Variants in CTNND2 observed in about 807,000 individuals in gnomAD.
CTNND2 encodes the protein catenin delta-2.
In CTNND2, 22 loss-of-function variants were observed where a neutral mutation model predicts 144.4. The ratio of observed to expected loss-of-function variants is 0.15; its 90% CI spans 0.11 to 0.22. The LOEUF is 0.22. Among genes scored for constraint, CTNND2 ranks in the 10% least tolerant of loss-of-function variants. The pLI is 1.00. For synonymous variants in CTNND2, 751 were observed against 695.6 expected, an observed-to-expected ratio of 1.08 and a Z score of -1.25; for missense variants, 1,353 against 1,618.8, an observed-to-expected ratio of 0.84 and a Z score of 2.82.
At chr5:11,507,095 A>G (rs1324974100) in intron 3 of CTNND2, among the ~76,000 whole-genome samples, 1 of 152,146 alleles carries the variant, frequency 6.6e-6, no homozygotes, top group Admixed American at 6.5e-5. Flanking sequence ...CGCAGGGACC[A>G]CTGTAATAGG....
chr5:11,389,899 T>C (rs900961518), intron 6 of CTNND2, among the ~76,000 whole-genome samples: 1 of 152,226 alleles, frequency 6.6e-6, no homozygotes, highest in African/African-American at 2.4e-5. Flanking sequence ...TAAAATGTCA[T>C]ATAAACTTAC....
Position 11,110,992 on chromosome 5 carries a change from C to T in CTNND2, c.2329G>A (p.Ala777Thr), listed in dbSNP as rs1374404308. The T allele has an allele frequency of 6.2e-7, 1 of 1,614,114 alleles. No individual in the cohort carries two copies. Among genetic ancestry groups the T allele is most frequent in the Non-Finnish European group, 8.5e-7 (1 of 1,180,016 alleles). The stretch of plus-strand genomic sequence containing the variant: ...ATGTGCTGTCCCTGAGACGTTTCTG[C>T]CGCCAGCCGGTACGAGAGGTTCCTT... ...ILRNLSYRLA[A>T]ETSQGQHMGT... Residue 777 changes from alanine to threonine, a missense_variant, in exon 14 of 22, where the codon GCA becomes ACA. Around this residue, in one of 4 missense-constraint regions of CTNND2, gnomAD observed 459 missense variants for 674.3 expected, o/e 0.68. Coordinates refer to ENST00000304623, the MANE Select transcript of CTNND2 (RefSeq NM_001332.4).
intron 3 of CTNND2, among the ~76,000 whole-genome samples, chr5:11,412,490 C>T (rs904633143): frequency 2.0e-5 from 3 of 152,006 alleles, no homozygotes; most frequent in African/African-American, 7.2e-5. Context: ...TAAATCTTTG[C>T]CTCCATTTAG....
At chr5:11,298,438 T>C (rs2150028169) in intron 9 of CTNND2, among the ~76,000 whole-genome samples, 1 of 152,360 alleles carries the variant, frequency 6.6e-6, no homozygotes, top group African/African-American at 2.4e-5. Flanking sequence ...CCCAAAGTTC[T>C]GGAATTACAG....
chr5:11,775,586 T>G (rs1402268522), intron 1 of CTNND2, among the ~76,000 whole-genome samples: 1 of 152,182 alleles, frequency 6.6e-6, no homozygotes, highest in African/African-American at 2.4e-5. Flanking sequence ...GTGTGCAATA[T>G]CACAAGGAGA....
At chr5:11,217,282 A>G (rs924997650) in intron 10 of CTNND2, among the ~76,000 whole-genome samples, 1 of 152,232 alleles carries the variant, frequency 6.6e-6, no homozygotes, top group African/African-American at 2.4e-5. Flanking sequence ...AAGAGAATAC[A>G]GCCTGGTCAA....
At chr5:10,986,878 A>G (rs1738032051) in intron 20 of CTNND2, 1 of 341,100 alleles carries the variant, frequency 2.9e-6, no homozygotes, top group Non-Finnish European at 5.7e-6. Flanking sequence ...CTGGTTTGGA[A>G]GGCATTTTAA....
intron 1 of CTNND2, among the ~76,000 whole-genome samples, chr5:11,803,528 A>G (rs1791811242): frequency 6.6e-6 from 1 of 152,204 alleles, no homozygotes; most frequent in African/African-American, 2.4e-5. Context: ...GGTAGACGCT[A>G]TAGGATTTCT....
chr5:10,978,182 G>C (rs1402422519), intron 21 of CTNND2, among the ~76,000 whole-genome samples: 1 of 152,134 alleles, frequency 6.6e-6, no homozygotes, highest in African/African-American at 2.4e-5. Context: ...AAAGTTCTGG[G>C]GTAACTTTTG....
chr5:11,665,810 C>T (rs1020783404), intron 2 of CTNND2, among the ~76,000 whole-genome samples: 1 of 152,130 alleles, frequency 6.6e-6, no homozygotes, highest in Non-Finnish European at 1.5e-5. Context: ...TGTTTAAACA[C>T]ATTTGCTTTG....
At chr5:11,465,371 G>A (rs1766570812) in intron 3 of CTNND2, among the ~76,000 whole-genome samples, 1 of 151,620 alleles carries the variant, frequency 6.6e-6, no homozygotes, top group South Asian at 2.1e-4. Flanking sequence ...CAGTTAATGG[G>A]TTGCTCAGAA....
intron 3 of CTNND2, among the ~76,000 whole-genome samples, chr5:11,536,900 TAATA>T (rs1561528275): frequency 1.3e-5 from 2 of 152,120 alleles, no homozygotes; most frequent in African/African-American, 2.4e-5. Context: ...AAAAAAGTTT[TAATA>T]AATAAATAAA....
chr5:11,140,947 A>T (rs187599255), intron 12 of CTNND2, among the ~76,000 whole-genome samples: 168 of 152,002 alleles, frequency 1.1e-3, no homozygotes, highest in Admixed American at 2.2e-3. Flanking sequence ...TTTAAAAATT[A>T]TTTTTATTTT....
At chr5:11,379,272 A>C (rs1272807742) in intron 7 of CTNND2, among the ~76,000 whole-genome samples, 2 of 152,164 alleles carry the variant, frequency 1.3e-5, no homozygotes, top group African/African-American at 2.4e-5. Flanking sequence ...TAAGCTGAAA[A>C]TTTATATTGC....
At chr5:11,389,178 C>T (rs1248771332) in intron 6 of CTNND2, among the ~76,000 whole-genome samples, 2 of 152,130 alleles carry the variant, frequency 1.3e-5, no homozygotes, top group Admixed American at 6.5e-5. Context: ...GTCTCAGCCT[C>T]GAGGGCAACT....
chr5:11,459,726 T>C (rs1276367667), intron 3 of CTNND2, among the ~76,000 whole-genome samples: 1 of 152,180 alleles, frequency 6.6e-6, no homozygotes, highest in Admixed American at 6.5e-5. Context: ...CTAATGACAA[T>C]AAAACTTTTG....
intron 10 of CTNND2, among the ~76,000 whole-genome samples, chr5:11,235,778 CA>C (rs1302945189): frequency 6.6e-6 from 1 of 152,146 alleles, no homozygotes; most frequent in African/African-American, 2.4e-5. Context: ...TTTGCAGTCC[CA>C]GGGGAAGAGA....
chr5:11,014,159 C>T (rs1741374275), intron 18 of CTNND2, among the ~76,000 whole-genome samples: 1 of 152,204 alleles, frequency 6.6e-6, no homozygotes, highest in African/African-American at 2.4e-5. Context: ...ATTAAGGTAT[C>T]ATCTAAGAAT....
At chr5:11,871,526 T>C (rs1735124736) in intron 1 of CTNND2, among the ~76,000 whole-genome samples, 1 of 152,194 alleles carries the variant, frequency 6.6e-6, no homozygotes, top group Non-Finnish European at 1.5e-5. Context: ...CCTATCTGAT[T>C]AGCATCATTT....
Sources: allele counts gnomAD v4.1 joint callset (sites outside exome capture counted in the v4.1 genomes callset), GRCh38; gene constraint gnomAD v4.1.1; regional missense constraint gnomAD v4.1.1; transcripts MANE v1.5; gene names NCBI Gene and HGNC (gene_info 2026-07-23, HGNC 2026-07-21).